MAST3: variants seen among roughly 807,000 people sequenced by gnomAD.
MAST3 encodes the protein microtubule-associated serine/threonine-protein kinase 3.
Under a neutral mutation model 127.0 loss-of-function variants are expected in MAST3, and 43 were observed. The observed-to-expected ratio is 0.34, with a 90% CI of 0.27 to 0.44. The LOEUF is 0.44. Ranked by LOEUF, MAST3 falls within the 20% of genes least tolerant of loss-of-function variation. MAST3 has a pLI of 1.00. For missense variants in MAST3, 1,390 were observed against 1,919.1 expected, an observed-to-expected ratio of 0.72 and a Z score of 5.15; for synonymous variants, 785 against 809.2, an observed-to-expected ratio of 0.97 and a Z score of 0.51.
At chr19:18,118,330 C>A in intron 3 of MAST3, 1 of 866,370 alleles carries the variant, frequency 1.2e-6, no homozygotes, top group Non-Finnish European at 1.4e-6. Context: ...GTCCTGGCCG[C>A]GTGGCGCGGA....
At chr19:18,135,709 TC>T in intron 17 of MAST3, 30 bp from the exon 18 acceptor site, 1 of 1,527,394 alleles carries the variant, frequency 6.5e-7, no homozygotes, top group Non-Finnish European at 9.0e-7. Context: ...TCTCCCTCCC[TC>T]CCTCATTTTA....
chr19:18,149,194 C>A lies in MAST3; in HGVS notation c.3512C>A (p.Thr1171Asn). 6.6e-7 allele frequency: 1 copy of A among 1,518,332 alleles called. No individual in the cohort carries two copies. The highest frequency in any genetic ancestry group is 1.3e-5 in the South Asian group (1 of 78,428). 94.1% of individuals were successfully genotyped at this position (1,518,332 alleles called of 1,614,324 possible). A position where few individuals can be genotyped will look rare whatever the true frequency, so the allele number is the denominator to read the frequency against. The change falls in exon 28 of 28, where the codon ACC (threonine) becomes AAC (asparagine). Residue 1171 changes from threonine to asparagine, a missense_variant. Physicochemically the swap from Thr to Asn is moderately conservative, Grantham distance 65. Transcript: ENST00000687212. This position sits in a 1 kb window ranked among gnomAD's most constrained non-coding sequence, Gnocchi z 5.9. ...RSPAPDVPAD[T>N]TASPPSASPS... ...GACCTACGCTTATCACCCACAGATA[C>A]CACTGCATCCCCACCCAGCGCATCC...
rs2043411522 is a variant in MAST3, at chr19:18,149,902, G to GT, written c.*176_*177insT. 20 of 750,728 alleles carry GT rather than the reference G, an allele frequency of 2.7e-5. 1 individual carries two copies. The African/African-American group carries it at 3.5e-4, about 13-fold the overall frequency. The allele number at this position is 750,728 out of a possible 1,614,324, so 46.5% of individuals were successfully genotyped here. A position where few individuals can be genotyped will look rare whatever the true frequency, so the allele number is the denominator to read the frequency against. On this transcript the variant is annotated 3_prime_UTR_variant, in exon 28 of 28. Coordinates refer to ENST00000687212, the MANE Select transcript of MAST3 (RefSeq NM_001393504.1). The surrounding 1 kb of genome is among the most constrained non-coding windows in gnomAD (Gnocchi z 5.9). ...TCGCTTGTGTTCTGGTGTCAATCGG[G>GT]GCTGGATGGGGCAAGAATGGGGGAC...
chr19:18,116,900 C>A (rs896951981), intron 3 of MAST3, among the ~76,000 whole-genome samples: 1 of 147,096 alleles, frequency 6.8e-6, no homozygotes, highest in South Asian at 2.2e-4. Context: ...GCAACGAGAG[C>A]GAAACTCTGT....
At chr19:18,101,073 G>A (rs1165620498) in intron 1 of MAST3, among the ~76,000 whole-genome samples, 1 of 152,186 alleles carries the variant, frequency 6.6e-6, no homozygotes, top group Non-Finnish European at 1.5e-5. Flanking sequence ...TCAGCCTCAC[G>A]CATAACGTGT....
chr19:18,135,067 G>A, intron 17 of MAST3, 85 bp downstream of exon 17: 1 of 1,475,260 alleles, frequency 6.8e-7, no homozygotes, highest in South Asian at 1.3e-5. Context: ...GTCAGGGAGA[G>A]AAGCAGGAAG....
chr19:18,102,115 C>T (rs1440243425), intron 1 of MAST3, among the ~76,000 whole-genome samples: 2 of 151,820 alleles, frequency 1.3e-5, no homozygotes, highest in South Asian at 2.1e-4. Flanking sequence ...CTGCTGACTT[C>T]GTGATCCTCC....
chr19:18,132,071 G>A (rs1302141849), intron 15 of MAST3, 24 bp downstream of exon 15: 10 of 1,613,242 alleles, frequency 6.2e-6, no homozygotes, highest in Non-Finnish European at 6.8e-6. Flanking sequence ...GCATGAGCGG[G>A]GCCTCGCGGA....
rs147946466 is a variant in MAST3 at position 18,147,099 on chromosome 19, CTTTTTTTTTTT to C, written c.3326+67_3326+77del. On this transcript the variant is annotated intron_variant, in intron 26 of 27. Coordinates refer to ENST00000687212, the MANE Select transcript of MAST3 (RefSeq NM_001393504.1). Reference sequence around the variant, plus strand: ...GGGTTCTTTTTTTCTTTTCTTTTTCCTTTTTTTTTTTTTTTTTTTTTTGAGACAGAGTCTTG... The same window carrying C: ...GGGTTCTTTTTTTCTTTTCTTTTTCCTTTTTTTTTTTGAGACAGAGTCTTG... 3.6e-5 allele frequency: 32 copies of C among 894,034 alleles called. 1 individual carries two copies. Among genetic ancestry groups the C allele is most frequent in the Admixed American group, 2.4e-4 (5 of 20,744 alleles). The allele number at this position is 894,034 out of a possible 1,614,324, so 55.4% of individuals were successfully genotyped here. A position where few individuals can be genotyped will look rare whatever the true frequency, so the allele number is the denominator to read the frequency against.
At chr19:18,147,956 A>G (rs145643870) in intron 27 of MAST3, among the ~76,000 whole-genome samples, 1,536 of 151,734 alleles carry the variant, frequency 0.01, 54 homozygotes, top group Admixed American at 0.06. Flanking sequence ...GGAGTTTGAG[A>G]CCAGCCTGGG....
At chr19:18,122,261 G>A (rs563827525) in intron 5 of MAST3, 2 of 404,284 alleles carry the variant, frequency 4.9e-6, no homozygotes, top group African/African-American at 4.3e-5. Context: ...CCAGACGCTT[G>A]CATTTCATTT....
rs1018147076 is a variant in MAST3, at chr19:18,150,760, A to C, written c.*1034A>C. On this transcript the variant is annotated 3_prime_UTR_variant, in exon 28 of 28. Transcript: ENST00000687212. ...TGGGAGCTGGAGCTTTGATGGATGA[A>C]TAGGTGTTCACCGGATCTGGGCAGA... 1 of 152,392 alleles carries C rather than the reference A, an allele frequency of 6.6e-6. No homozygotes were observed. The highest frequency in any genetic ancestry group is 1.5e-5 in the Non-Finnish European group (1 of 68,182). 9.4% of individuals were successfully genotyped at this position (152,392 alleles called of 1,614,324 possible).
intron 1 of MAST3, among the ~76,000 whole-genome samples, chr19:18,101,368 T>TCTCCTCCTCCTC (rs79073885): frequency 1.4e-5 from 2 of 142,356 alleles, no homozygotes; most frequent in Non-Finnish European, 3.1e-5. Context: ...TCCTTCTCCT[T>TCTCCTCCTCCTC]CTCCTCCTCC....
At chr19:18,135,558 C>G (rs1321557005) in intron 17 of MAST3, among the ~76,000 whole-genome samples, 182 bp from the exon 18 acceptor site, 2 of 152,202 alleles carry the variant, frequency 1.3e-5, no homozygotes, top group Non-Finnish European at 2.9e-5. Context: ...AAAGGTGGCT[C>G]TGAGCATAGG....
In MAST3 at chr19:18,135,746, T is replaced by C; in HGVS notation, c.1877T>C (p.Ile626Thr). 5.0e-6 allele frequency: 8 copies of C among 1,610,794 alleles called. No homozygotes were observed. Among genetic ancestry groups the C allele is most frequent in the Non-Finnish European group, 6.8e-6 (8 of 1,178,288 alleles). The change falls in exon 18 of 28, where the codon ATC becomes ACC. Residue 626 changes from isoleucine to threonine, a missense_variant. Transcript: ENST00000687212. The part of the protein sequence containing the change: ...ELFGQVVSDE[I>T]MWPEGDEALP... ...CCTCCCTCCCTCATTTTAGATGAGA[T>C]CATGTGGCCAGAGGGAGATGAGGCC...
rs1281303531 is a variant in MAST3 at position 18,144,038 on chromosome 19, G to A, written c.2584+31G>A. On this transcript the variant is annotated intron_variant, in intron 22 of 27. Coordinates refer to ENST00000687212, the MANE Select transcript of MAST3 (RefSeq NM_001393504.1). The surrounding 1 kb of genome is among the most constrained non-coding windows in gnomAD (Gnocchi z 4.0). ...TGGGGCCCTGAGTAAGAGGGATGAT[G>A]TCATGGAAGTTTCCCAGAGGAGGGG... 1 of 1,547,294 alleles carries A rather than the reference G, an allele frequency of 6.5e-7. No individual in the cohort carries two copies. The highest frequency in any genetic ancestry group is 8.7e-7 in the Non-Finnish European group (1 of 1,145,760).
intron 27 of MAST3, among the ~76,000 whole-genome samples, 171 bp downstream of exon 27, chr19:18,147,795 T>C (rs567653728): frequency 6.6e-6 from 1 of 152,186 alleles, no homozygotes; most frequent in Non-Finnish European, 1.5e-5. Flanking sequence ...CGAATGCAGG[T>C]GCCAGGGAAG....
At position 18,143,817 on chromosome 19, in the gene MAST3, C is replaced by A; in HGVS notation, c.2394C>A (p.Pro798=). 6.2e-7 allele frequency: 1 copy of A among 1,613,830 alleles called. No individual in the cohort carries two copies. Among genetic ancestry groups the A allele is most frequent in the South Asian group, 1.1e-5 (1 of 91,054 alleles). The change falls in exon 22 of 28, where the codon CCC becomes CCA. Residue 798 remains proline (P), a synonymous_variant. Coordinates refer to ENST00000687212, the MANE Select transcript of MAST3 (RefSeq NM_001393504.1). ...GSSCQSSSSQ[P]ERGPSPSLLN... ...CCTGTCAGTCATCTTCGTCCCAGCC[C>A]GAGCGGGGTCCCAGCCCATCTCTCC... is the stretch of plus-strand genomic sequence containing the variant.
At chr19:18,128,009 C>T (rs910996788) in intron 11 of MAST3, among the ~76,000 whole-genome samples, 3 of 152,316 alleles carry the variant, frequency 2.0e-5, no homozygotes, top group Middle Eastern at 3.4e-3. Flanking sequence ...GCCAGGCATT[C>T]GCTAGGGGCT....
Sources: allele counts gnomAD v4.1 joint callset (sites outside exome capture counted in the v4.1 genomes callset), GRCh38; gene constraint gnomAD v4.1.1; non-coding constraint Gnocchi (gnomAD v3.1); transcripts MANE v1.5; gene names NCBI Gene and HGNC (gene_info 2026-07-23, HGNC 2026-07-21).